The following ARRB1 variants were observed in gnomAD, a reference collection of about 807,000 sequenced individuals.
The protein encoded by ARRB1 is beta-arrestin-1.
ARRB1 carries 21 observed loss-of-function variants against 56.8 expected under a neutral mutation model. The ratio of observed to expected loss-of-function variants is 0.37; its 90% CI spans 0.26 to 0.53. The LOEUF (loss-of-function observed/expected upper bound fraction) is 0.53. ARRB1 is among the 20% of genes least tolerant of loss of function. ARRB1 has a pLI of 0.88. For missense variants in ARRB1, 424 were observed against 553.7 expected, an observed-to-expected ratio of 0.77 and a Z score of 2.35; for synonymous variants, 210 against 218.6, an observed-to-expected ratio of 0.96 and a Z score of 0.35.
intron 1 of ARRB1, among the ~76,000 whole-genome samples, chr11:75,343,780 G>A (rs1947725301): frequency 1.3e-5 from 2 of 152,058 alleles, no homozygotes; most frequent in African/African-American, 4.8e-5. Flanking sequence ...CAGCAGAGAA[G>A]GCTTCCTGGA....
intron 1 of ARRB1, among the ~76,000 whole-genome samples, chr11:75,351,221 T>C (rs957749988): frequency 2.6e-5 from 4 of 152,148 alleles, no homozygotes; most frequent in Non-Finnish European, 4.4e-5. Context: ...GTGATGAGCG[T>C]GTGCTAGCGG....
intron 2 of ARRB1, among the ~76,000 whole-genome samples, chr11:75,289,325 G>C (rs1229306810): frequency 6.6e-6 from 1 of 152,158 alleles, no homozygotes; most frequent in Non-Finnish European, 1.5e-5. Flanking sequence ...TGCCTTGCTG[G>C]AAATGCATCC....
At chr11:75,282,372 C>G (rs1206683967) in intron 5 of ARRB1, among the ~76,000 whole-genome samples, 1 of 152,104 alleles carries the variant, frequency 6.6e-6, no homozygotes, top group South Asian at 2.1e-4. Context: ...CCAATTAAGG[C>G]CTTGAGATGG....
At chr11:75,273,116 A>G (rs1946107908) in intron 11 of ARRB1, 138 bp from the exon 12 acceptor site, 1 of 690,084 alleles carries the variant, frequency 1.4e-6, no homozygotes. Context: ...AATAGAGCCC[A>G]GTGGAGATGA....
chr11:75,324,606 C>CGTGTGG (rs972003702), intron 1 of ARRB1, among the ~76,000 whole-genome samples: 33 of 152,152 alleles, frequency 2.2e-4, no homozygotes, highest in African/African-American at 7.9e-4. Context: ...GGGGAGTGTG[C>CGTGTGG]GTGTGGGTGT....
intron 1 of ARRB1, among the ~76,000 whole-genome samples, chr11:75,308,085 AC>A (rs1444829880): frequency 6.6e-6 from 1 of 152,258 alleles, no homozygotes; most frequent in African/African-American, 2.4e-5. Context: ...TGTGAGGACA[AC>A]ACTGGCCCTC....
chr11:75,289,671 G>A (rs749952743), intron 2 of ARRB1, among the ~76,000 whole-genome samples: 1 of 152,180 alleles, frequency 6.6e-6, no homozygotes, highest in Non-Finnish European at 1.5e-5. Context: ...TCTCACAGCA[G>A]GGGACTCACT....
intron 1 of ARRB1, among the ~76,000 whole-genome samples, chr11:75,301,028 C>CAGCTACTCTGGAGGCTGAGACAG (rs1395725161): frequency 6.6e-6 from 1 of 150,986 alleles, no homozygotes; most frequent in Non-Finnish European, 1.5e-5. Flanking sequence ...CCTGTAGTCC[C>CAGCTACTCTGGAGGCTGAGACAG]AGCTACTCTG....
chr11:75,334,326 A>AAT (rs398016691), intron 1 of ARRB1, among the ~76,000 whole-genome samples: 1 of 149,310 alleles, frequency 6.7e-6, no homozygotes, highest in African/African-American at 2.5e-5. Context: ...AAAAAAAAAA[A>AAT]GGCCCCATCC....
Position 75,277,410 on chromosome 11 carries a change from G to A in ARRB1, c.657C>T (p.His219=), listed in dbSNP as rs146131231. 1,168 of 1,614,198 alleles carry A rather than the reference G, an allele frequency of 7.2e-4. 3 individuals are homozygous for A. The highest frequency in any genetic ancestry group is 8.4e-4 in the Non-Finnish European group (991 of 1,180,010). Residue 219 remains histidine, a synonymous_variant, in exon 9 of 16, where the codon CAC becomes CAT. Transcript: ENST00000420843. ...YHGEPISVNV[H]VTNNTNKTVK... is the part of the protein sequence containing the mutation. ...CCGTCTTGTTGGTGTTGTTGGTGAC[G>A]TGGACGTTGACGCTGATGGGTTCTC...
chr11:75,299,273 G>T (rs1422761135), intron 1 of ARRB1, among the ~76,000 whole-genome samples: 1 of 150,784 alleles, frequency 6.6e-6, no homozygotes, highest in African/African-American at 2.4e-5. Flanking sequence ...CAGAGAGAAT[G>T]AAAAAAAGGA....
At chr11:75,340,276 G>A (rs1191843419) in intron 1 of ARRB1, among the ~76,000 whole-genome samples, 1 of 152,248 alleles carries the variant, frequency 6.6e-6, no homozygotes, top group East Asian at 1.9e-4. Flanking sequence ...GAGAGTTGGA[G>A]GGGACAATGC....
At chr11:75,268,560 C>T (rs149732534) in intron 14 of ARRB1, among the ~76,000 whole-genome samples, 102 of 148,316 alleles carry the variant, frequency 6.9e-4, no homozygotes, top group Non-Finnish European at 1.2e-3. Context: ...ATGACAATAG[C>T]GTGTCCAACG....
intron 1 of ARRB1, among the ~76,000 whole-genome samples, chr11:75,337,921 C>A (rs1282756045): frequency 6.6e-6 from 1 of 150,778 alleles, no homozygotes; most frequent in Admixed American, 6.6e-5. Flanking sequence ...TGTGAGCCAC[C>A]GCACCCAGGC....
intron 13 of ARRB1, chr11:75,269,319 C>T: frequency 4.7e-6 from 2 of 421,908 alleles, no homozygotes; most frequent in South Asian, 1.8e-5. Flanking sequence ...CCTCAAATCG[C>T]CACAGCCACC....
intron 1 of ARRB1, among the ~76,000 whole-genome samples, chr11:75,314,309 T>C (rs898527345): frequency 3.9e-5 from 6 of 152,224 alleles, no homozygotes; most frequent in African/African-American, 1.4e-4. Context: ...CAGCCAGTCA[T>C]CTTCTTAGTA....
chr11:75,328,131 G>A (rs575027948), intron 1 of ARRB1, among the ~76,000 whole-genome samples: 2 of 152,206 alleles, frequency 1.3e-5, no homozygotes, highest in Admixed American at 1.3e-4. Context: ...GCAACTACCA[G>A]TGTCTGCTTT....
At chr11:75,273,994 G>A in intron 11 of ARRB1, 80 bp downstream of exon 11, 3 of 1,596,868 alleles carry the variant, frequency 1.9e-6, no homozygotes, top group Non-Finnish European at 2.6e-6. Flanking sequence ...CCTTGTCTTT[G>A]AACTGGGGGG....
At position 75,320,487 on chromosome 11, in the gene ARRB1, G is replaced by C. The variant is rs369592367; in HGVS notation, c.21-30448C>G. On this transcript the variant is annotated intron_variant, in intron 1 of 15. Transcript: ENST00000420843. ...GGGCGGGTGGCTGGATGGTGGCCCT[G>C]AGGCTGGAGCCTCTGAAAGCTTGGG... 8.5e-5 allele frequency among the ~76,000 whole-genome samples: 13 copies of C among 152,374 alleles called. No homozygotes were observed. The South Asian group carries it at 2.7e-3, about 32-fold the overall frequency.
Sources: allele counts gnomAD v4.1 joint callset (sites outside exome capture counted in the v4.1 genomes callset), GRCh38; gene constraint gnomAD v4.1.1; transcripts MANE v1.5; gene names NCBI Gene and HGNC (gene_info 2026-07-23, HGNC 2026-07-21).